Variants in LRRTM4 observed in about 807,000 individuals in gnomAD.
LRRTM4 encodes leucine rich repeat transmembrane neuronal 4, also known as leucine-rich repeat transmembrane neuronal protein 4.
Under a neutral mutation model 47.6 loss-of-function variants are expected in LRRTM4, and 25 were observed. The observed-to-expected ratio is 0.53, with a 90% CI of 0.38 to 0.73. LRRTM4 has a LOEUF of 0.73. Among genes scored for constraint, LRRTM4 ranks in the 30% least tolerant of loss-of-function variants. LRRTM4 has a pLI of 0.00. For missense variants in LRRTM4, 638 were observed against 713.4 expected, an observed-to-expected ratio of 0.89 and a Z score of 1.20; for synonymous variants, 311 against 269.5, an observed-to-expected ratio of 1.15 and a Z score of -1.51.
intron 3 of LRRTM4, among the ~76,000 whole-genome samples, chr2:76,946,735 CATACTT>C (rs1011315244): frequency 3.9e-5 from 6 of 151,990 alleles, no homozygotes; most frequent in African/African-American, 9.6e-5. Context: ...CATTGTCACT[CATACTT>C]AGAGTAAGAA....
chr2:77,060,394 G>A (rs1367807998), intron 3 of LRRTM4, among the ~76,000 whole-genome samples: 5 of 151,880 alleles, frequency 3.3e-5, no homozygotes, highest in African/African-American at 1.2e-4. Flanking sequence ...CAGATTAAAT[G>A]TCCTCAGAAA....
At chr2:76,767,526 G>C (rs142943042) in intron 3 of LRRTM4, among the ~76,000 whole-genome samples, 1 of 152,072 alleles carries the variant, frequency 6.6e-6, no homozygotes, top group Non-Finnish European at 1.5e-5. Flanking sequence ...ATACTATCTC[G>C]TGTAGATACT....
intron 3 of LRRTM4, among the ~76,000 whole-genome samples, chr2:76,906,683 C>G (rs1673852905): frequency 1.3e-5 from 2 of 151,708 alleles, no homozygotes; most frequent in African/African-American, 4.8e-5. Flanking sequence ...CAAAAAAAGG[C>G]AGGGGTTGCA....
intron 3 of LRRTM4, among the ~76,000 whole-genome samples, chr2:76,997,174 T>C (rs1204321733): frequency 4.6e-5 from 7 of 152,166 alleles, no homozygotes; most frequent in African/African-American, 1.2e-4. Flanking sequence ...TATCAATTTA[T>C]GAAGCTCAAT....
chr2:77,010,557 A>T (rs575050939), intron 3 of LRRTM4, among the ~76,000 whole-genome samples: 1 of 145,630 alleles, frequency 6.9e-6, no homozygotes, highest in Non-Finnish European at 1.5e-5. Flanking sequence ...GTCTTTAACC[A>T]TTCATCTGTT....
intron 3 of LRRTM4, among the ~76,000 whole-genome samples, chr2:76,864,965 G>A (rs1487965150): frequency 6.6e-6 from 1 of 150,740 alleles, no homozygotes; most frequent in African/African-American, 2.4e-5. Flanking sequence ...TCAATCTCCT[G>A]GCTCAAGCGA....
intron 3 of LRRTM4, among the ~76,000 whole-genome samples, chr2:76,795,845 A>G (rs1044471995): frequency 6.6e-6 from 1 of 152,076 alleles, no homozygotes; most frequent in Non-Finnish European, 1.5e-5. Context: ...GCTCCTGTCT[A>G]CAGCTCCCAG....
At chr2:77,211,300 G>A (rs1158893400) in intron 3 of LRRTM4, among the ~76,000 whole-genome samples, 1 of 152,164 alleles carries the variant, frequency 6.6e-6, no homozygotes, top group Non-Finnish European at 1.5e-5. Flanking sequence ...GTGCTGAAAT[G>A]ATGAAAGAGA....
At chr2:77,078,088 G>A (rs560897832) in intron 3 of LRRTM4, among the ~76,000 whole-genome samples, 3 of 152,168 alleles carry the variant, frequency 2.0e-5, no homozygotes, top group Non-Finnish European at 2.9e-5. Context: ...CTGTCTACAA[G>A]CAAGAATTTC....
At chr2:77,011,429 T>C (rs566865906) in intron 3 of LRRTM4, among the ~76,000 whole-genome samples, 1 of 152,160 alleles carries the variant, frequency 6.6e-6, no homozygotes, top group South Asian at 2.1e-4. Flanking sequence ...ACACCATTAT[T>C]GGAACTGGTA....
At chr2:77,456,737 T>A (rs1676558356) in intron 3 of LRRTM4, among the ~76,000 whole-genome samples, 1 of 151,954 alleles carries the variant, frequency 6.6e-6, no homozygotes, top group African/African-American at 2.4e-5. Flanking sequence ...GACCTCTTCT[T>A]GCCATATCCA....
At chr2:76,805,653 G>C (rs146781050) in intron 3 of LRRTM4, among the ~76,000 whole-genome samples, 6 of 152,230 alleles carry the variant, frequency 3.9e-5, no homozygotes, top group South Asian at 2.1e-4. Flanking sequence ...CTTTTCTTTA[G>C]TTTAATGCTA....
At chr2:77,222,004 G>A (rs1387004157) in intron 3 of LRRTM4, among the ~76,000 whole-genome samples, 6 of 152,084 alleles carry the variant, frequency 3.9e-5, no homozygotes. Flanking sequence ...ATAACAAACT[G>A]TCTCTCAGAC....
chr2:76,907,830 C>A (rs1673903072), intron 3 of LRRTM4, among the ~76,000 whole-genome samples: 2 of 137,868 alleles, frequency 1.5e-5, no homozygotes, highest in African/African-American at 2.9e-5. Flanking sequence ...ATAACAGGAG[C>A]TGAAATTGTG....
chr2:77,057,412 C>T (rs1413160730), intron 3 of LRRTM4, among the ~76,000 whole-genome samples: 1 of 152,112 alleles, frequency 6.6e-6, no homozygotes. Context: ...ACAAGCTAAA[C>T]TAATTAATTG....
intron 3 of LRRTM4, among the ~76,000 whole-genome samples, chr2:77,204,666 A>G (rs1446268119): frequency 6.6e-6 from 1 of 152,112 alleles, no homozygotes; most frequent in Non-Finnish European, 1.5e-5. Flanking sequence ...CCAAATCATA[A>G]CACTTTCTGT....
chr2:77,448,479 AT>A (rs1676137991), intron 3 of LRRTM4, among the ~76,000 whole-genome samples: 1 of 152,216 alleles, frequency 6.6e-6, no homozygotes, highest in Non-Finnish European at 1.5e-5. Flanking sequence ...TAATTGTATT[AT>A]CAAAAAAATC....
intron 3 of LRRTM4, among the ~76,000 whole-genome samples, chr2:77,113,176 G>A (rs1671296317): frequency 6.6e-6 from 1 of 152,042 alleles, no homozygotes; most frequent in South Asian, 2.1e-4. Context: ...TGAGTAATTA[G>A]AATGCCATCA....
At position 77,329,873 on chromosome 2, in the gene LRRTM4, C is replaced by T. The variant is rs563183796; in HGVS notation, c.1551+188445G>A. On this transcript the variant is annotated intron_variant, in intron 3 of 3. Transcript: ENST00000409884. Reference sequence around the variant, plus strand: ...TTCTTCCAGATGGCCAAACTGACAACGGTGAATGCGTTACAGGGGTAGACA... The same window carrying T: ...TTCTTCCAGATGGCCAAACTGACAATGGTGAATGCGTTACAGGGGTAGACA... Among the ~76,000 whole-genome samples the T allele has an allele frequency of 1.5e-4, 23 of 152,242 alleles. No individual in the cohort carries two copies. The South Asian group carries it at 4.6e-3, about 30-fold the overall frequency.
Sources: allele counts gnomAD v4.1 joint callset (sites outside exome capture counted in the v4.1 genomes callset), GRCh38; gene constraint gnomAD v4.1.1; transcripts MANE v1.5; gene names NCBI Gene and HGNC (gene_info 2026-07-23, HGNC 2026-07-21).